USP31: variants seen among roughly 807,000 people sequenced by gnomAD.
USP31 encodes the protein ubiquitin specific peptidase 31, also known as ubiquitin carboxyl-terminal hydrolase 31.
USP31 carries 44 observed loss-of-function variants against 119.4 expected under a neutral mutation model. The ratio of observed to expected loss-of-function variants is 0.37; its 90% CI spans 0.29 to 0.47. The LOEUF (loss-of-function observed/expected upper bound fraction) is 0.47. Among genes scored for constraint, USP31 ranks in the 20% least tolerant of loss-of-function variants. The pLI is 0.99. For synonymous variants in USP31, 749 were observed against 705.6 expected (o/e 1.06, Z -0.97); for missense variants, 1,643 against 1,730.2 (o/e 0.95, Z 0.89).
intron 5 of USP31, among the ~76,000 whole-genome samples, chr16:23,104,444 A>C (rs1902009311): frequency 6.6e-6 from 1 of 152,232 alleles, no homozygotes; most frequent in African/African-American, 2.4e-5. Context: ...CCTGGACACC[A>C]CCGAAGCCTC....
At chr16:23,088,081 A>C (rs1480037140) in intron 7 of USP31, among the ~76,000 whole-genome samples, 1 of 152,212 alleles carries the variant, frequency 6.6e-6, no homozygotes, top group Non-Finnish European at 1.5e-5. Context: ...CTAGGACAGC[A>C]GGTGGCAACG....
rs761861343 is a variant in USP31 at position 23,106,446 on chromosome 16, G to T, written c.813C>A (p.Phe271Leu). Residue 271 changes from phenylalanine (F) to leucine (L), a missense_variant, in exon 3 of 16, where the codon TTC (phenylalanine) becomes TTA (leucine). By Grantham distance (22) the Phe-to-Leu change is conservative (BLOSUM62 0). Around this residue, in one of 5 missense-constraint regions of USP31, gnomAD observed 144 missense variants for 218.0 expected, o/e 0.66. Transcript: ENST00000219689. ...ETDMMPEGPS[F>L]PVCSTFVQEL... ...CTTGTACAAAAGTGCTACAGACAGG[G>T]AAAGATGGTCCCTCAGGCATCATAT... 3.1e-6 allele frequency: 5 copies of T among 1,613,566 alleles called. No homozygotes were observed. The highest frequency in any genetic ancestry group is 3.3e-5 in the Admixed American group (2 of 59,948).
intron 1 of USP31, among the ~76,000 whole-genome samples, chr16:23,140,977 C>G (rs554481140): frequency 3.3e-5 from 5 of 152,244 alleles, no homozygotes; most frequent in Non-Finnish European, 5.9e-5. Context: ...TTTACCCAGT[C>G]CATCACAAAA....
At chr16:23,081,675 C>T (rs527908564) in intron 12 of USP31, among the ~76,000 whole-genome samples, 1 of 152,362 alleles carries the variant, frequency 6.6e-6, no homozygotes, top group Non-Finnish European at 1.5e-5. Context: ...ACTCCGCCCC[C>T]AAAGGGTTCC....
chr16:23,073,376 T>C (rs1282640466), intron 14 of USP31, among the ~76,000 whole-genome samples: 1 of 152,210 alleles, frequency 6.6e-6, no homozygotes, highest in Non-Finnish European at 1.5e-5. Flanking sequence ...ATGATTGCTA[T>C]GTGGCCCAGA....
intron 13 of USP31, 100 bp from the exon 14 acceptor site, chr16:23,073,980 A>G: frequency 6.5e-7 from 1 of 1,540,678 alleles, no homozygotes; most frequent in East Asian, 2.3e-5. Context: ...TTAACTCAAG[A>G]ACGTTTTAAG....
At chr16:23,082,411 G>A (rs1157324920) in intron 12 of USP31, 27 bp downstream of exon 12, 1 of 1,612,194 alleles carries the variant, frequency 6.2e-7, no homozygotes, top group South Asian at 1.1e-5. Flanking sequence ...CAACTTGTTT[G>A]TTCCTGAGGA....
At chr16:23,100,788 C>A (rs1457073791) in intron 6 of USP31, among the ~76,000 whole-genome samples, 5 of 152,038 alleles carry the variant, frequency 3.3e-5, no homozygotes, top group Non-Finnish European at 5.9e-5. Flanking sequence ...GTGCTTAGAG[C>A]TTGGCAGGAT....
rs1261707801 is a variant in USP31 at position 23,062,821 on chromosome 16, T to C, written c.*5225A>G. 2 of 152,664 alleles carry C rather than the reference T, an allele frequency of 1.3e-5. No individual in the cohort carries two copies. The highest frequency in any genetic ancestry group is 2.9e-5 in the Non-Finnish European group (2 of 68,044). The allele number at this position is 152,664 out of a possible 1,614,324, so 9.5% of individuals were successfully genotyped here. ...GGGCCCTTGTATTTCAAATGGGAGTTTGATATCAGTATCTCTCAATTCTTT... is the reference window on the plus strand; with the variant it reads ...GGGCCCTTGTATTTCAAATGGGAGTCTGATATCAGTATCTCTCAATTCTTT... On this transcript the variant is annotated 3_prime_UTR_variant, in exon 16 of 16. Transcript: ENST00000219689.
intron 13 of USP31, among the ~76,000 whole-genome samples, chr16:23,078,192 G>C (rs945540972): frequency 6.6e-6 from 1 of 151,232 alleles, no homozygotes; most frequent in Non-Finnish European, 1.5e-5. Flanking sequence ...TGTGCCTGTA[G>C]TCCCAGCTAC....
chr16:23,073,902 C>T (rs759094183), intron 13 of USP31, 22 bp from the exon 14 acceptor site: 22 of 1,613,386 alleles, frequency 1.4e-5, no homozygotes, highest in Non-Finnish European at 9.3e-6. Context: ...AGCCCGCCAT[C>T]AGCACCAGGG....
chr16:23,072,831 G>A (rs1900401796), intron 14 of USP31, among the ~76,000 whole-genome samples: 1 of 152,048 alleles, frequency 6.6e-6, no homozygotes, highest in Admixed American at 6.6e-5. Flanking sequence ...GAGCACATCT[G>A]AGACTGGTGG....
intron 12 of USP31, among the ~76,000 whole-genome samples, chr16:23,082,163 G>C (rs1342716809): frequency 6.6e-6 from 1 of 152,176 alleles, no homozygotes; most frequent in South Asian, 2.1e-4. Flanking sequence ...TCTCTACTTA[G>C]TTCTTTTTAA....
At chr16:23,095,442 G>A (rs2141859127) in intron 6 of USP31, among the ~76,000 whole-genome samples, 2 of 152,302 alleles carry the variant, frequency 1.3e-5, no homozygotes, top group East Asian at 3.9e-4. Flanking sequence ...TTAACCAGGA[G>A]AACTTCCCCA....
chr16:23,122,658 T>C (rs1902712092), intron 1 of USP31, among the ~76,000 whole-genome samples: 1 of 152,122 alleles, frequency 6.6e-6, no homozygotes, highest in South Asian at 2.1e-4. Flanking sequence ...TACAACATGA[T>C]TAATCTTGAA....
intron 1 of USP31, among the ~76,000 whole-genome samples, chr16:23,125,999 G>A (rs886235910): frequency 3.9e-5 from 6 of 152,158 alleles, no homozygotes; most frequent in East Asian, 3.9e-4. Flanking sequence ...CAAGGGTCAC[G>A]ACTAGTTACT....
chr16:23,098,988 A>G (rs183339006), intron 6 of USP31, among the ~76,000 whole-genome samples: 94 of 152,356 alleles, frequency 6.2e-4, no homozygotes, highest in Admixed American at 5.2e-3. Flanking sequence ...TAATTAAACT[A>G]AAGAGCTTCT....
chr16:23,083,790 A>G (rs1900960987), intron 11 of USP31, among the ~76,000 whole-genome samples: 1 of 151,810 alleles, frequency 6.6e-6, no homozygotes, highest in African/African-American at 2.4e-5. Context: ...GGGGGAGAGA[A>G]GACTCGCTGG....
intron 6 of USP31, among the ~76,000 whole-genome samples, chr16:23,093,581 G>C (rs1901466528): frequency 6.6e-6 from 1 of 152,194 alleles, no homozygotes; most frequent in Non-Finnish European, 1.5e-5. Context: ...ATTGCTGGTG[G>C]AAACGTAAAA....
Sources: allele counts gnomAD v4.1 joint callset (sites outside exome capture counted in the v4.1 genomes callset), GRCh38; gene constraint gnomAD v4.1.1; regional missense constraint gnomAD v4.1.1; transcripts MANE v1.5; gene names NCBI Gene and HGNC (gene_info 2026-07-23, HGNC 2026-07-21).